The following ORC3 variants were observed in gnomAD, a reference collection of about 807,000 sequenced individuals.
The protein encoded by ORC3 is homolog of latheo, Drosophila.
Under a neutral mutation model 100.7 loss-of-function variants are expected in ORC3, and 78 were observed. The observed-to-expected ratio is 0.77, with a 90% confidence interval of 0.65 to 0.94. The LOEUF (loss-of-function observed/expected upper bound fraction) is 0.94, where lower values mean the gene tolerates loss of function less well. Ranked by LOEUF, ORC3 falls within the 40% of genes least tolerant of loss-of-function variation. The pLI is 0.00. For missense variants in ORC3, 789 were observed against 823.9 expected (o/e 0.96, Z 0.52); for synonymous variants, 295 against 289.3 (o/e 1.02, Z -0.20).
chr6:87,607,669 A>G lies in ORC3; in HGVS notation c.428-4A>G, dbSNP rs2128251816. ...TAAGCTTTCTTACTTTTTATATTCC[A>G]CAGATATGAAACATTTTTTGCAAAA... On this transcript the variant is annotated splice_polypyrimidine_tract_variant and splice_region_variant and intron_variant, in intron 5 of 19. Coordinates refer to ENST00000392844, the MANE Select transcript of ORC3 (RefSeq NM_012381.4). 3.8e-6 allele frequency: 6 copies of G among 1,591,784 alleles called. No homozygotes were observed. Among genetic ancestry groups the G allele is most frequent in the Non-Finnish European group, 5.1e-6 (6 of 1,170,364 alleles).
intron 19 of ORC3, among the ~76,000 whole-genome samples, chr6:87,666,369 A>G (rs1003279827): frequency 4.2e-5 from 6 of 142,536 alleles, no homozygotes; most frequent in Admixed American, 1.4e-4. Flanking sequence ...TGACCTTGTG[A>G]TCCGCCCGCC....
intron 11 of ORC3, among the ~76,000 whole-genome samples, chr6:87,633,520 T>C (rs1183072834): frequency 6.6e-6 from 1 of 152,252 alleles, no homozygotes; most frequent in African/African-American, 2.4e-5. Context: ...TTTCAGGTAA[T>C]GACCCGTAGA....
chr6:87,653,387 T>C (rs1769427624), intron 14 of ORC3, 138 bp downstream of exon 14: 1 of 657,556 alleles, frequency 1.5e-6, no homozygotes, highest in South Asian at 3.7e-5. Context: ...CCAAGCCTCA[T>C]AGTATCACAT....
At chr6:87,657,758 C>T (rs1046787670) in intron 15 of ORC3, among the ~76,000 whole-genome samples, 163 bp from the exon 16 acceptor site, 7 of 152,070 alleles carry the variant, frequency 4.6e-5, no homozygotes, top group Non-Finnish European at 1.5e-5. Context: ...CTTGCCAGAC[C>T]TTAAAAATAA....
chr6:87,592,603 T>TG (rs556451948), intron 1 of ORC3, among the ~76,000 whole-genome samples: 16 of 151,984 alleles, frequency 1.1e-4, no homozygotes, highest in Non-Finnish European at 2.2e-4. Context: ...CACTCTAGCC[T>TG]GGGCAACAGA....
intron 6 of ORC3, 81 bp from the exon 7 acceptor site, chr6:87,609,015 A>T (rs1017554582): frequency 7.2e-6 from 8 of 1,110,282 alleles, no homozygotes; most frequent in Admixed American, 5.5e-5. Flanking sequence ...TTAAAGAGAG[A>T]TATGTCAACA....
At chr6:87,673,291 G>C in the ORC3 span, among the ~76,000 whole-genome samples, 18 of 150,624 alleles carry the variant, frequency 1.2e-4, no homozygotes, top group Non-Finnish European at 1.2e-4. Flanking sequence ...CTCCCAAGTA[G>C]CTGGGACTAC....
chr6:87,666,435 CTTT>C lies in ORC3; in HGVS notation c.2031-565_2031-563del, dbSNP rs398002192. On this transcript the variant is annotated intron_variant, in intron 19 of 19. Coordinates refer to ENST00000392844, the MANE Select transcript of ORC3 (RefSeq NM_012381.4). Reference sequence around the variant, plus strand: ...GTGAGCCACCTCACCCGGCCTAATTCTTTTTTTTTTTTTTTTTTTTGAGACAGA... The same window carrying C: ...GTGAGCCACCTCACCCGGCCTAATTCTTTTTTTTTTTTTTTTTGAGACAGA... Among the ~76,000 whole-genome samples, 313 of 97,626 alleles carry C rather than the reference CTTT, an allele frequency of 3.2e-3. 1 individual carries two copies. The highest frequency in any genetic ancestry group is 5.2e-3 in the Non-Finnish European group (254 of 48,760). The allele number at this position is 97,626 out of a possible 152,430, so 64.0% of individuals were successfully genotyped here.
intron 13 of ORC3, among the ~76,000 whole-genome samples, chr6:87,648,711 G>GTA (rs1317578592): frequency 6.6e-6 from 1 of 152,120 alleles, no homozygotes; most frequent in Admixed American, 6.6e-5. Context: ...ACATATGTGG[G>GTA]TATAAATGTT....
At chr6:87,596,348 T>C (rs777247133) in intron 2 of ORC3, among the ~76,000 whole-genome samples, 2 of 151,582 alleles carry the variant, frequency 1.3e-5, no homozygotes, top group Non-Finnish European at 2.9e-5. Flanking sequence ...TTGGCCAGGC[T>C]GATCTCGAAC....
intron 13 of ORC3, among the ~76,000 whole-genome samples, chr6:87,640,135 T>A (rs1768131919): frequency 1.1e-5 from 1 of 94,932 alleles, no homozygotes; most frequent in Non-Finnish European, 2.1e-5. Flanking sequence ...ATGTGTCCCC[T>A]TCTTCAGCCA....
chr6:87,671,302 G>T (rs1489555252), downstream of ORC3, among the ~76,000 whole-genome samples: 1 of 152,094 alleles, frequency 6.6e-6, no homozygotes, highest in Non-Finnish European at 1.5e-5. Flanking sequence ...TAGCAGTAGA[G>T]ATGTTAATAT....
At chr6:87,633,041 T>A (rs1767548406) in intron 11 of ORC3, among the ~76,000 whole-genome samples, 1 of 152,188 alleles carries the variant, frequency 6.6e-6, no homozygotes, top group Non-Finnish European at 1.5e-5. Flanking sequence ...TATTGCCCTA[T>A]AGTGGGTAAA....
At chr6:87,609,068 ACT>A in intron 6 of ORC3, 26 bp from the exon 7 acceptor site, 1 of 1,573,846 alleles carries the variant, frequency 6.4e-7, no homozygotes, top group South Asian at 1.2e-5. Context: ...CTTACCTTTA[ACT>A]CTTTCTTTCT....
At position 87,634,911 on chromosome 6, in the gene ORC3, T is replaced by C; in HGVS notation, c.1252T>C (p.Cys418Arg). Residue 418 changes from cysteine (C) to arginine (R), a missense_variant, in exon 12 of 20, where the codon TGT (cysteine) becomes CGT (arginine). Physicochemically the swap from Cys to Arg is radical, Grantham distance 180. Around this residue, in one of 3 missense-constraint regions of ORC3, gnomAD observed 366 missense variants for 394.2 expected, o/e 0.93. Transcript: ENST00000392844. ...YHMNYFLVLR[C>R]LHKFTSSLPK... ...TATGAATTACTTCCTGGTTTTGAGA[T>C]GTCTTCATAAGTTCACCTCTTCTCT... The C allele has an allele frequency of 3.7e-6, 6 of 1,607,974 alleles. No individual in the cohort carries two copies. The highest frequency in any genetic ancestry group is 5.1e-6 in the Non-Finnish European group (6 of 1,174,482).
At chr6:87,637,576 A>G (rs1364823598) in intron 13 of ORC3, among the ~76,000 whole-genome samples, 1 of 152,222 alleles carries the variant, frequency 6.6e-6, no homozygotes, top group Non-Finnish European at 1.5e-5. Context: ...TTTGCTTTCT[A>G]AATATACCTA....
chr6:87,676,435 C>A, the ORC3 span, among the ~76,000 whole-genome samples: 1 of 105,332 alleles, frequency 9.5e-6, no homozygotes, highest in Non-Finnish European at 1.8e-5. Context: ...CACTGCACTC[C>A]AGCCTGGGCA....
chr6:87,658,959 G>T (rs1434067545), intron 16 of ORC3, among the ~76,000 whole-genome samples: 1 of 125,204 alleles, frequency 8.0e-6, no homozygotes, highest in Non-Finnish European at 1.6e-5. Context: ...TGGAAGTTGG[G>T]CATGCTACAG....
At chr6:87,656,433 C>CA (rs1769695928) in intron 14 of ORC3, among the ~76,000 whole-genome samples, 1 of 151,912 alleles carries the variant, frequency 6.6e-6, no homozygotes, top group Non-Finnish European at 1.5e-5. Flanking sequence ...ACTAAAAATA[C>CA]AAAAATTAGC....
Sources: gnomAD v4.1 joint callset for allele counts (sites outside exome capture counted in the v4.1 genomes callset) on GRCh38, gnomAD v4.1.1 for gene constraint, gnomAD v4.1.1 regional missense constraint, MANE v1.5 for transcripts, NCBI Gene and HGNC (gene_info 2026-07-23, HGNC 2026-07-21) for gene names.